LOC400499: variants seen among roughly 807,000 people sequenced by gnomAD.
the LOC400499 span, among the ~76,000 whole-genome samples, chr16:11,412,152 G>A: frequency 5.3e-4 from 80 of 152,180 alleles, no homozygotes; most frequent in African/African-American, 1.6e-3. Flanking sequence ...GGTGTGAGCC[G>A]CTGTGCCAGG....
the LOC400499 span, among the ~76,000 whole-genome samples, chr16:11,394,114 G>A: frequency 6.6e-6 from 1 of 152,170 alleles, no homozygotes; most frequent in Middle Eastern, 3.2e-3. Context: ...CCAGTGCCCT[G>A]GTGTTTCTGC....
the LOC400499 span, among the ~76,000 whole-genome samples, chr16:11,430,073 G>C: frequency 6.6e-6 from 1 of 152,186 alleles, no homozygotes; most frequent in East Asian, 1.9e-4. Flanking sequence ...CACCTGACAA[G>C]AGGCTGCCTC....
chr16:11,475,598 A>G, the LOC400499 span: 124,205 of 398,662 alleles, frequency 0.31, 21,271 homozygotes, highest in African/African-American at 0.51. Flanking sequence ...ACCTTGGTAC[A>G]ATGTCATGGA....
At chr16:11,484,822 C>A in the LOC400499 span, 2 of 360,082 alleles carry the variant, frequency 5.6e-6, no homozygotes, top group Non-Finnish European at 9.6e-6. Context: ...AAAGTCCACG[C>A]ATGAAGCGGG....
chr16:11,390,365 G>A, the LOC400499 span: 8 of 1,234,940 alleles, frequency 6.5e-6, no homozygotes, highest in Admixed American at 1.3e-4. Flanking sequence ...ACCCAGGCCT[G>A]CAGCCGCCGC....
chr16:11,422,041 T>C, the LOC400499 span, among the ~76,000 whole-genome samples: 1 of 152,242 alleles, frequency 6.6e-6, no homozygotes, highest in African/African-American at 2.4e-5. Context: ...ATTTCAGTTC[T>C]CCGCCTGCCC....
At chr16:11,481,822 A>G in the LOC400499 span, among the ~76,000 whole-genome samples, 5 of 151,888 alleles carry the variant, frequency 3.3e-5, no homozygotes, top group African/African-American at 1.2e-4. Context: ...TTTAGTAGAG[A>G]CAGGGTATCA....
At chr16:11,514,342 G>C in the LOC400499 span, 3 of 399,266 alleles carry the variant, frequency 7.5e-6, no homozygotes, top group East Asian at 3.6e-5. Flanking sequence ...GTGGCCACCA[G>C]GGAAGGCTGA....
the LOC400499 span, among the ~76,000 whole-genome samples, chr16:11,502,814 C>T: frequency 6.6e-6 from 1 of 151,008 alleles, no homozygotes; most frequent in Admixed American, 6.6e-5. Context: ...AGAGGTTTCA[C>T]CATGTTAGCC....
the LOC400499 span, among the ~76,000 whole-genome samples, chr16:11,419,207 AGG>A: frequency 1.3e-5 from 2 of 152,070 alleles, no homozygotes; most frequent in African/African-American, 4.8e-5. Flanking sequence ...ATATACTACA[AGG>A]CTACAGTAAC....
chr16:11,493,796 G>A, the LOC400499 span: 10 of 380,802 alleles, frequency 2.6e-5, no homozygotes, highest in Non-Finnish European at 4.1e-5. Flanking sequence ...ACAAGCTGGA[G>A]CTAAATCGAG....
chr16:11,399,768 G>A, the LOC400499 span: 1 of 398,920 alleles, frequency 2.5e-6, no homozygotes, highest in East Asian at 3.6e-5. Context: ...CGTCAGCCCA[G>A]GTGAGCTGCA....
At chr16:11,376,589 T>C in the LOC400499 span, among the ~76,000 whole-genome samples, 6 of 152,242 alleles carry the variant, frequency 3.9e-5, no homozygotes, top group East Asian at 1.9e-4. Context: ...TTTTGACCAC[T>C]GTAGCTTTCA....
the LOC400499 span, among the ~76,000 whole-genome samples, chr16:11,417,004 C>A: frequency 1.3e-5 from 2 of 152,114 alleles, no homozygotes; most frequent in Non-Finnish European, 2.9e-5. Flanking sequence ...CACAGCTTGC[C>A]TGGCATGTAT....
chr16:11,440,725 T>A, the LOC400499 span: 16 of 398,930 alleles, frequency 4.0e-5, no homozygotes, highest in Non-Finnish European at 6.6e-5. Context: ...TCTCCTGACC[T>A]GGGATGTGAC....
At chr16:11,446,473 C>G in the LOC400499 span, 1 of 1,348,166 alleles carries the variant, frequency 7.4e-7, no homozygotes, top group Non-Finnish European at 1.0e-6. Context: ...AACATGTTTT[C>G]AATCCTATTG....
chr16:11,489,007 A>G, the LOC400499 span: 1 of 395,804 alleles, frequency 2.5e-6, no homozygotes, highest in Non-Finnish European at 4.4e-6. Flanking sequence ...GTCTGGCTAC[A>G]GAGACCTACG....
the LOC400499 span, among the ~76,000 whole-genome samples, chr16:11,503,659 G>A: frequency 6.6e-6 from 1 of 152,216 alleles, no homozygotes; most frequent in Non-Finnish European, 1.5e-5. Flanking sequence ...GACGCAGCCT[G>A]CAAAACAGGC....
At chr16:11,451,340 G>A in the LOC400499 span, among the ~76,000 whole-genome samples, 1 of 152,228 alleles carries the variant, frequency 6.6e-6, no homozygotes, top group Admixed American at 6.5e-5. Context: ...AGCACTTTGG[G>A]AGGCCAAGGC....
Sources: gnomAD v4.1 joint callset for allele counts (sites outside exome capture counted in the v4.1 genomes callset) on GRCh38, gnomAD v4.1.1 for gene constraint, MANE v1.5 for transcripts.